The following DICER1 variants were observed in gnomAD, a reference collection of about 807,000 sequenced individuals.
DICER1 encodes the protein endoribonuclease Dicer.
In DICER1, 43 loss-of-function variants were observed where a neutral mutation model predicts 194.1. The observed-to-expected ratio is 0.22, with a 90% confidence interval of 0.17 to 0.29. DICER1 has a LOEUF of 0.29. DICER1 is among the 10% of genes least tolerant of loss of function. The probability of loss-of-function intolerance (pLI) is 1.00; values close to 1 mark genes in which losing one functional copy is unlikely to be tolerated. For synonymous variants in DICER1, 832 were observed against 820.5 expected (o/e 1.01, Z -0.24); for missense variants, 1,608 against 2,317.0 (o/e 0.69, Z 6.28).
chr14:95,106,089 A>G lies in DICER1; in HGVS notation c.2939T>C (p.Leu980Pro). The G allele has an allele frequency of 1.9e-6, 3 of 1,614,216 alleles. No homozygotes were observed. The highest frequency in any genetic ancestry group is 2.5e-6 in the Non-Finnish European group (3 of 1,180,034). Residue 980 changes from leucine to proline, a missense_variant, in exon 18 of 27, where the codon CTA (leucine) becomes CCA (proline). By Grantham distance (98) the Leu-to-Pro change is moderately conservative. Coordinates refer to ENST00000343455, the MANE Select transcript of DICER1 (RefSeq NM_177438.3). ...EYYKTKYNLD[L>P]TNLNQPLLDV... ...CAGCAGTGGCTGGTTGAGATTGGTT[A>G]GGTCAAGGTTGTACTTTGTTTTATA... is the stretch of plus-strand genomic sequence containing the variant.
chr14:95,156,980 T>C (rs912704347), intron 1 of DICER1, among the ~76,000 whole-genome samples: 170 of 152,188 alleles, frequency 1.1e-3, no homozygotes, highest in African/African-American at 3.9e-3. Context: ...CTCCCAGGGC[T>C]GCCTCGCGGG....
At position 95,115,654 on chromosome 14, in the gene DICER1, T is replaced by C. The variant is rs1325553153; in HGVS notation, c.1907+13A>G. The C allele has an allele frequency of 1.2e-6, 2 of 1,614,002 alleles. No homozygotes were observed. Among genetic ancestry groups the C allele is most frequent in the Admixed American group, 3.3e-5 (2 of 60,012 alleles). ...ATTCCCAGGTTTTCCACACAAATGA[T>C]ATGATGCCATACCTATTGATGTGTC... On this transcript the variant is annotated intron_variant, in intron 11 of 26. Coordinates refer to ENST00000343455, the MANE Select transcript of DICER1 (RefSeq NM_177438.3).
chr14:95,129,732 AG>A, intron 5 of DICER1, 100 bp from the exon 6 acceptor site: 1 of 1,136,220 alleles, frequency 8.8e-7, no homozygotes, highest in Non-Finnish European at 1.3e-6. Flanking sequence ...ACTAACAAAT[AG>A]TAAAAAAGAA....
At chr14:95,106,666 G>A (rs572794498) in intron 17 of DICER1, among the ~76,000 whole-genome samples, 4 of 151,276 alleles carry the variant, frequency 2.6e-5, no homozygotes, top group East Asian at 3.9e-4. Flanking sequence ...ATGGTTTTGA[G>A]GTGCAAAAAG....
chr14:95,143,765 T>C (rs1894963230), intron 1 of DICER1, among the ~76,000 whole-genome samples: 1 of 152,208 alleles, frequency 6.6e-6, no homozygotes, highest in East Asian at 1.9e-4. Context: ...TTTCTACCTT[T>C]GTGGAGCAAT....
chr14:95,151,616 G>C (rs1199980931), intron 1 of DICER1, among the ~76,000 whole-genome samples: 1 of 152,174 alleles, frequency 6.6e-6, no homozygotes, highest in Non-Finnish European at 1.5e-5. Flanking sequence ...GAAGAATCAG[G>C]ATTTGAACCC....
intron 22 of DICER1, among the ~76,000 whole-genome samples, chr14:95,097,900 C>T (rs1209874682): frequency 6.6e-6 from 1 of 152,120 alleles, no homozygotes; most frequent in African/African-American, 2.4e-5. Flanking sequence ...GCAACTGTAG[C>T]GGCAGACCTC....
At chr14:95,154,086 C>T (rs1338591995) in intron 1 of DICER1, among the ~76,000 whole-genome samples, 1 of 152,200 alleles carries the variant, frequency 6.6e-6, no homozygotes, top group Non-Finnish European at 1.5e-5. Context: ...TTAAAGACCT[C>T]ACCAATATCT....
rs1595367292 is a variant in DICER1 at position 95,103,996 on chromosome 14, G to A, written c.3400C>T (p.His1134Tyr). Reference protein sequence around the residue: ...HSTIVPENAAHQGANRTSSLE... With the variant: ...HSTIVPENAAYQGANRTSSLE... ...GAGGAGGTTCTATTAGCACCTTGATGTGCAGCATTTTCAGGGACAATTGTG... is the reference window on the plus strand; with the variant it reads ...GAGGAGGTTCTATTAGCACCTTGATATGCAGCATTTTCAGGGACAATTGTG... The change falls in exon 21 of 27, where the codon CAT becomes TAT. Residue 1134 changes from histidine (H) to tyrosine (Y), a missense_variant. His to Tyr is a moderately conservative substitution (Grantham distance 83). Transcript: ENST00000343455. The A allele has an allele frequency of 1.2e-6, 2 of 1,614,168 alleles. No homozygotes were observed. The highest frequency in any genetic ancestry group is 1.3e-5 in the African/African-American group (1 of 75,044).
intron 22 of DICER1, among the ~76,000 whole-genome samples, chr14:95,098,553 T>TAAA (rs35599190): frequency 6.6e-6 from 1 of 150,390 alleles, no homozygotes; most frequent in African/African-American, 2.4e-5. Flanking sequence ...TGTTGTATCT[T>TAAA]AAAAAAAAAA....
rs1168185336 is a variant in DICER1, at chr14:95,087,545, TC to T, written c.*2952del. ...GCAGCAAGGCCAAACCACATTTTTTTCCTCTCTGTTAAGCATATTTTCTTGA... is the reference window on the plus strand; with the variant it reads ...GCAGCAAGGCCAAACCACATTTTTTTCTCTCTGTTAAGCATATTTTCTTGA... On this transcript the variant is annotated 3_prime_UTR_variant, in exon 27 of 27. Coordinates refer to ENST00000343455, the MANE Select transcript of DICER1 (RefSeq NM_177438.3). 4.3e-6 allele frequency: 1 copy of T among 233,042 alleles called. No homozygotes were observed. Among genetic ancestry groups the T allele is most frequent in the Non-Finnish European group, 8.5e-6 (1 of 118,020 alleles). 14.4% of individuals were successfully genotyped at this position (233,042 alleles called of 1,614,324 possible).
At chr14:95,128,108 T>C (rs1470384547) in intron 6 of DICER1, among the ~76,000 whole-genome samples, 5 of 152,250 alleles carry the variant, frequency 3.3e-5, no homozygotes, top group Non-Finnish European at 7.3e-5. Flanking sequence ...TTGGGTCTTT[T>C]ATGCCTTTCA....
In DICER1 at chr14:95,091,342, T is replaced by C. The variant is rs756025825; in HGVS notation, c.5388A>G (p.Glu1796=). The C allele has an allele frequency of 4.3e-6, 7 of 1,614,016 alleles. No homozygotes were observed. The highest frequency in any genetic ancestry group is 1.3e-5 in the African/African-American group (1 of 74,888). ...GAACTTCAATATCCTCTTCTTTCTC[T>C]TCATCCTCCTCAGATCTCCTAAGCT... The part of the protein sequence containing the change: ...DSELRRSEED[E]EKEEDIEVPK... Residue 1796 remains glutamate, a synonymous_variant, in exon 25 of 27, where the codon GAA becomes GAG. Coordinates refer to ENST00000343455, the MANE Select transcript of DICER1 (RefSeq NM_177438.3).
At chr14:95,102,927 T>C (rs913730871) in intron 21 of DICER1, among the ~76,000 whole-genome samples, 1 of 152,186 alleles carries the variant, frequency 6.6e-6, no homozygotes, top group Non-Finnish European at 1.5e-5. Context: ...GTCTTACTCA[T>C]GTCTGTATGC....
chr14:95,153,879 T>C (rs1895675864), intron 1 of DICER1, among the ~76,000 whole-genome samples: 1 of 151,908 alleles, frequency 6.6e-6, no homozygotes, highest in Admixed American at 6.6e-5. Context: ...GCTAAGGAGG[T>C]GGAATACCAA....
At chr14:95,091,501 T>C in intron 24 of DICER1, 136 bp from the exon 25 acceptor site, 1 of 792,676 alleles carries the variant, frequency 1.3e-6, no homozygotes, top group Admixed American at 2.1e-5. Context: ...ATGGTATGCC[T>C]ACTATATTGT....
At chr14:95,112,103 T>A (rs1892019299) in intron 13 of DICER1, 69 bp downstream of exon 13, 8 of 1,359,394 alleles carry the variant, frequency 5.9e-6, no homozygotes, top group Non-Finnish European at 7.4e-6. Flanking sequence ...TATAAAGTCC[T>A]CTATATGCTT....
Position 95,091,090 on chromosome 14 carries a change from T to C in DICER1, c.5547A>G (p.Val1849=). 1 of 1,614,104 alleles carries C rather than the reference T, an allele frequency of 6.2e-7. No homozygotes were observed. The highest frequency in any genetic ancestry group is 8.5e-7 in the Non-Finnish European group (1 of 1,179,998). Reference sequence around the variant, plus strand: ...GCAATTCTCGCACAGGGGAACGGGGTACATTTGCAGAAAACTTTTCTGCAA... The same window carrying C: ...GCAATTCTCGCACAGGGGAACGGGGCACATTTGCAGAAAACTTTTCTGCAA... ...RPLIEKFSAN[V]PRSPVRELLE... The change falls in exon 26 of 27, where the codon GTA becomes GTG. Residue 1849 remains valine, a synonymous_variant. Coordinates refer to ENST00000343455, the MANE Select transcript of DICER1 (RefSeq NM_177438.3).
At chr14:95,118,179 A>G (rs1190605061) in intron 8 of DICER1, among the ~76,000 whole-genome samples, 1 of 152,156 alleles carries the variant, frequency 6.6e-6, no homozygotes, top group Non-Finnish European at 1.5e-5. Flanking sequence ...TCTCAACTCA[A>G]CACCCTTCTC....
Sources: allele counts gnomAD v4.1 joint callset (sites outside exome capture counted in the v4.1 genomes callset), GRCh38; gene constraint gnomAD v4.1.1; transcripts MANE v1.5; gene names NCBI Gene and HGNC (gene_info 2026-07-23, HGNC 2026-07-21).